MRTFA: variants seen among roughly 807,000 people sequenced by gnomAD.
The protein encoded by MRTFA is myocardin related transcription factor A, also known as myocardin-related transcription factor A.
A neutral mutation model predicts 83.5 loss-of-function variants in MRTFA; 20 were observed. The ratio of observed to expected loss-of-function variants is 0.24; its 90% confidence interval spans 0.17 to 0.35. The LOEUF is 0.35. Among genes scored for constraint, MRTFA ranks in the 10% least tolerant of loss-of-function variants. MRTFA has a pLI of 1.00. For synonymous variants in MRTFA, 659 were observed against 541.2 expected (o/e 1.22, Z -3.02); for missense variants, 1,200 against 1,224.7 (o/e 0.98, Z 0.30).
At chr22:40,494,421 G>A (rs1247652607) in intron 3 of MRTFA, among the ~76,000 whole-genome samples, 2 of 152,150 alleles carry the variant, frequency 1.3e-5, no homozygotes, top group Non-Finnish European at 2.9e-5. Context: ...GCTCATGCCT[G>A]TAATCCCAAC....
At chr22:40,500,348 A>T (rs201848254) in intron 3 of MRTFA, among the ~76,000 whole-genome samples, 113 of 139,024 alleles carry the variant, frequency 8.1e-4, no homozygotes, top group Non-Finnish European at 1.1e-3. Flanking sequence ...TATTTTTTTT[A>T]TTTTTTTTTT....
chr22:40,528,871 G>C (rs911531391), intron 3 of MRTFA, among the ~76,000 whole-genome samples: 6 of 151,982 alleles, frequency 3.9e-5, no homozygotes, highest in African/African-American at 1.5e-4. Context: ...AACATTATGA[G>C]ATTCTTTTTT....
intron 1 of MRTFA, among the ~76,000 whole-genome samples, chr22:40,600,403 T>C (rs1470350324): frequency 6.6e-6 from 1 of 152,124 alleles, no homozygotes; most frequent in Non-Finnish European, 1.5e-5. Context: ...CACAAATCTT[T>C]CCTTTCCGAT....
rs563270692 is a variant in MRTFA, at chr22:40,547,366, G to A, written c.241+4740C>T. On this transcript the variant is annotated intron_variant, in intron 3 of 14. Coordinates refer to ENST00000355630, the MANE Select transcript of MRTFA (RefSeq NM_020831.6). Reference sequence around the variant, plus strand: ...AATAAGGGCTTTGAAGAAAAAGCAGGATCAAGAGTAACAGGAGGTGCTATT... The same window carrying A: ...AATAAGGGCTTTGAAGAAAAAGCAGAATCAAGAGTAACAGGAGGTGCTATT... Among the ~76,000 whole-genome samples, 80 of 152,020 alleles carry A rather than the reference G, an allele frequency of 5.3e-4. 3 individuals are homozygous for A. In the South Asian group the frequency reaches 0.014, roughly 26 times the overall value.
chr22:40,615,602 A>G (rs953548838), intron 1 of MRTFA, among the ~76,000 whole-genome samples: 4 of 151,934 alleles, frequency 2.6e-5, no homozygotes, highest in African/African-American at 4.8e-5. Flanking sequence ...TGCAGATGGT[A>G]TATCTCCACT....
At chr22:40,445,289 G>A (rs569039728) in intron 4 of MRTFA, among the ~76,000 whole-genome samples, 29 of 152,070 alleles carry the variant, frequency 1.9e-4, no homozygotes, top group Non-Finnish European at 2.9e-4. Flanking sequence ...CTCATATACC[G>A]TAATTTTCTT....
intron 3 of MRTFA, among the ~76,000 whole-genome samples, chr22:40,536,394 G>C (rs13054375): frequency 0.33 from 48,068 of 144,700 alleles, 7,262 homozygotes; most frequent in East Asian, 0.59. Context: ...TCTTTGCCGC[G>C]GCGCCGGCGA....
chr22:40,575,834 G>A (rs561898474), intron 2 of MRTFA, among the ~76,000 whole-genome samples: 4 of 152,144 alleles, frequency 2.6e-5, no homozygotes, highest in South Asian at 2.1e-4. Context: ...TATTTATCCC[G>A]ATGAGTATAA....
intron 4 of MRTFA, among the ~76,000 whole-genome samples, chr22:40,456,664 A>G (rs2147139105): frequency 1.3e-5 from 2 of 152,268 alleles, no homozygotes; most frequent in South Asian, 4.1e-4. Context: ...TCCAGCCTGG[A>G]TAACAGAACC....
chr22:40,420,341 C>T, intron 11 of MRTFA, 64 bp downstream of exon 11: 1 of 1,554,422 alleles, frequency 6.4e-7, no homozygotes, highest in South Asian at 1.2e-5. Context: ...AAAACCAGCA[C>T]CCAGACAGCC....
chr22:40,497,051 A>G (rs2054366932), intron 3 of MRTFA, among the ~76,000 whole-genome samples: 1 of 152,252 alleles, frequency 6.6e-6, no homozygotes, highest in Non-Finnish European at 1.5e-5. Flanking sequence ...TTGTGGACAC[A>G]GAAAGGTGAA....
intron 3 of MRTFA, among the ~76,000 whole-genome samples, chr22:40,517,407 C>G (rs1454699384): frequency 6.6e-6 from 1 of 152,070 alleles, no homozygotes; most frequent in Non-Finnish European, 1.5e-5. Context: ...CTATCAACAG[C>G]TAACATACAG....
intron 1 of MRTFA, among the ~76,000 whole-genome samples, chr22:40,615,142 C>T (rs1167078215): frequency 1.3e-5 from 2 of 152,084 alleles, no homozygotes; most frequent in African/African-American, 4.8e-5. Flanking sequence ...TTTAGGTCTA[C>T]AAACCATTTC....
At chr22:40,437,594 T>C (rs2053195876) in intron 4 of MRTFA, among the ~76,000 whole-genome samples, 1 of 152,060 alleles carries the variant, frequency 6.6e-6, no homozygotes, top group South Asian at 2.1e-4. Context: ...ACCCCGTCTC[T>C]ACTAAAAATA....
At chr22:40,532,055 T>C (rs1569314980) in intron 3 of MRTFA, among the ~76,000 whole-genome samples, 1 of 152,198 alleles carries the variant, frequency 6.6e-6, no homozygotes, top group Non-Finnish European at 1.5e-5. Context: ...CCTACTATCA[T>C]CCTTTGAAAG....
At chr22:40,499,984 C>G (rs1224576778) in intron 3 of MRTFA, among the ~76,000 whole-genome samples, 1 of 124,310 alleles carries the variant, frequency 8.0e-6, no homozygotes, top group Non-Finnish European at 1.6e-5. Context: ...TGAAATGGTA[C>G]GATCTCGGCT....
rs761910501 is a variant in MRTFA, at chr22:40,419,137, G to A, written c.1601C>T (p.Ala534Val). 5.7e-6 allele frequency: 9 copies of A among 1,587,442 alleles called. No individual in the cohort carries two copies. The highest frequency in any genetic ancestry group is 6.0e-6 in the Non-Finnish European group (7 of 1,166,884). Residue 534 changes from alanine to valine, a missense_variant, in exon 12 of 15, where the codon GCC becomes GTC. Physicochemically the swap from Ala to Val is moderately conservative, Grantham distance 64. Coordinates refer to ENST00000355630, the MANE Select transcript of MRTFA (RefSeq NM_020831.6). ...CACCACCCCACTGCTGGCCACCGTG[G>A]CCACCACCACCTCAGCTGGAGCCAG...
intron 14 of MRTFA, among the ~76,000 whole-genome samples, chr22:40,414,352 A>T: frequency 6.6e-6 from 1 of 152,158 alleles, no homozygotes; most frequent in African/African-American, 2.4e-5. Context: ...AAAAAAAAAG[A>T]AGAAATTACC....
chr22:40,521,536 T>TCA (rs112007516), intron 3 of MRTFA, among the ~76,000 whole-genome samples: 13,607 of 152,072 alleles, frequency 0.089, 789 homozygotes, highest in East Asian at 0.25. Flanking sequence ...TCTCACTCTG[T>TCA]CACCCAGGCT....
Sources: allele counts gnomAD v4.1 joint callset (sites outside exome capture counted in the v4.1 genomes callset), GRCh38; gene constraint gnomAD v4.1.1; transcripts MANE v1.5; gene names NCBI Gene and HGNC (gene_info 2026-07-23, HGNC 2026-07-21).